The following ATP8B4 variants were observed in gnomAD, a reference collection of about 807,000 sequenced individuals.
The protein encoded by ATP8B4 is probable phospholipid-transporting ATPase IM.
A neutral mutation model predicts 145.6 loss-of-function variants in ATP8B4; 133 were observed. The observed-to-expected ratio is 0.91, with a 90% confidence interval of 0.79 to 1.05. The LOEUF (loss-of-function observed/expected upper bound fraction) is 1.05. Among genes scored for constraint, ATP8B4 ranks in the 50% least tolerant of loss-of-function variants. The pLI is 0.00. For synonymous variants in ATP8B4, 507 were observed against 492.9 expected, an observed-to-expected ratio of 1.03 and a Z score of -0.38; for missense variants, 1,458 against 1,425.2, an observed-to-expected ratio of 1.02 and a Z score of -0.37.
In ATP8B4 at chr15:50,180,851, G is replaced by C. The variant is rs546625601; in HGVS notation, c.-43+1410C>G. ...GCGCAGTTACTAGGGATACGAAAAG[G>C]AGGCTAAAAAACGGCAGGGGGTGGC... On this transcript the variant is annotated intron_variant, in intron 1 of 3. Transcript: ENST00000558829. Among the ~76,000 whole-genome samples, 12 of 152,266 alleles carry C rather than the reference G, an allele frequency of 7.9e-5. No individual in the cohort carries two copies. In the East Asian group the frequency reaches 2.3e-3, roughly 29 times the overall value.
At chr15:49,942,338 T>G (rs2042224876) in intron 14 of ATP8B4, among the ~76,000 whole-genome samples, 1 of 152,084 alleles carries the variant, frequency 6.6e-6, no homozygotes, top group East Asian at 1.9e-4. Context: ...GACCAAACAT[T>G]TCCTCCTTAA....
At chr15:49,906,877 T>C (rs2038682327) in intron 20 of ATP8B4, among the ~76,000 whole-genome samples, 1 of 152,050 alleles carries the variant, frequency 6.6e-6, no homozygotes, top group Non-Finnish European at 1.5e-5. Flanking sequence ...AAAGCCGGGG[T>C]CCTGACCCGC....
intron 20 of ATP8B4, among the ~76,000 whole-genome samples, chr15:49,916,261 T>A (rs1350577226): frequency 3.9e-5 from 6 of 152,084 alleles, no homozygotes; most frequent in Admixed American, 3.9e-4. Context: ...AGAAATATTA[T>A]CTCTCAAACT....
chr15:50,072,306 C>T (rs950951454), intron 3 of ATP8B4, among the ~76,000 whole-genome samples: 3 of 152,130 alleles, frequency 2.0e-5, no homozygotes, highest in Non-Finnish European at 1.5e-5. Flanking sequence ...CTCAATCATA[C>T]AACAGGTCTT....
intron 20 of ATP8B4, among the ~76,000 whole-genome samples, chr15:49,913,718 C>A (rs1379925258): frequency 6.6e-6 from 1 of 152,112 alleles, no homozygotes. Flanking sequence ...TGTTTCTATA[C>A]ACCAATAATG....
rs193114784 is a variant in ATP8B4, at chr15:49,915,373, G to A, written c.2141+1561C>T. ...GTACAAACGTATAGTTAGATGGAAG[G>A]AATAAATTATAAAGTTCAACAGCAG... On this transcript the variant is annotated intron_variant, in intron 20 of 27. Coordinates refer to ENST00000284509, the MANE Select transcript of ATP8B4 (RefSeq NM_024837.4). Among the ~76,000 whole-genome samples the A allele has an allele frequency of 2.7e-3, 413 of 152,176 alleles. 2 individuals are homozygous for A. The highest frequency in any genetic ancestry group is 4.5e-3 in the Admixed American group (68 of 15,278).
chr15:49,915,004 ACC>A (rs978004041), intron 20 of ATP8B4, among the ~76,000 whole-genome samples: 9 of 152,120 alleles, frequency 5.9e-5, no homozygotes, highest in African/African-American at 2.2e-4. Context: ...GGATATCTGC[ACC>A]CCATGTTTAC....
chr15:50,011,033 G>T, intron 6 of ATP8B4, 116 bp from the exon 7 acceptor site: 1 of 633,040 alleles, frequency 1.6e-6, no homozygotes, highest in Non-Finnish European at 2.5e-6. Context: ...GACTTTCCTA[G>T]TATGTTAATT....
In ATP8B4 at chr15:49,915,279, G is replaced by C. The variant is rs943435126; in HGVS notation, c.2141+1655C>G. On this transcript the variant is annotated intron_variant, in intron 20 of 27. Coordinates refer to ENST00000284509, the MANE Select transcript of ATP8B4 (RefSeq NM_024837.4). The stretch of plus-strand genomic sequence containing the variant: ...AAGTTGATCTCATAGAGAGTAGAAT[G>C]ATAGATACCAGACACTAGGAAGGTT... Among the ~76,000 whole-genome samples, 4 of 152,148 alleles carry C rather than the reference G, an allele frequency of 2.6e-5. No homozygotes were observed. In the East Asian group the frequency reaches 5.8e-4, roughly 22 times the overall value.
chr15:49,941,861 TA>T (rs1438171033), intron 14 of ATP8B4, among the ~76,000 whole-genome samples: 5 of 152,128 alleles, frequency 3.3e-5, no homozygotes, highest in Non-Finnish European at 7.4e-5. Context: ...TACTCAGCCA[TA>T]AAAAAAGAAT....
chr15:49,997,899 T>C (rs995067564), intron 8 of ATP8B4, among the ~76,000 whole-genome samples: 1 of 152,096 alleles, frequency 6.6e-6, no homozygotes, highest in Non-Finnish European at 1.5e-5. Context: ...GACGCAGAGA[T>C]GAGTAGGAAT....
intron 8 of ATP8B4, among the ~76,000 whole-genome samples, chr15:49,996,984 CAAT>C (rs1159366080): frequency 1.2e-4 from 18 of 152,212 alleles, no homozygotes; most frequent in African/African-American, 3.9e-4. Context: ...TATAACAACA[CAAT>C]GATCTGTTTT....
At chr15:50,169,035 A>G (rs926381600) in intron 1 of ATP8B4, among the ~76,000 whole-genome samples, 14 of 152,156 alleles carry the variant, frequency 9.2e-5, no homozygotes, top group Admixed American at 2.6e-4. Context: ...GACCCGCCCA[A>G]GGAGAGTCTG....
intron 2 of ATP8B4, 91 bp from the exon 3 acceptor site, chr15:50,074,276 G>A (rs1296999386): frequency 4.6e-6 from 5 of 1,087,376 alleles, no homozygotes; most frequent in South Asian, 1.5e-5. Flanking sequence ...TTGCTTTGTT[G>A]TTAAGGCTGC....
At chr15:49,947,821 C>T (rs973982772) in intron 14 of ATP8B4, among the ~76,000 whole-genome samples, 1 of 152,022 alleles carries the variant, frequency 6.6e-6, no homozygotes, top group Non-Finnish European at 1.5e-5. Flanking sequence ...AATAAACCCA[C>T]ACATAAACAG....
At chr15:50,149,106 CAG>C (rs1159954823) in intron 1 of ATP8B4, among the ~76,000 whole-genome samples, 1 of 152,154 alleles carries the variant, frequency 6.6e-6, no homozygotes, top group African/African-American at 2.4e-5. Flanking sequence ...GAACTAATCT[CAG>C]GGGTTAAATG....
intron 3 of ATP8B4, among the ~76,000 whole-genome samples, chr15:50,049,210 C>T (rs2051976177): frequency 6.6e-6 from 1 of 152,170 alleles, no homozygotes; most frequent in South Asian, 2.1e-4. Flanking sequence ...TGAAATCTTT[C>T]TTCCAAGTTA....
intron 2 of ATP8B4, among the ~76,000 whole-genome samples, chr15:50,094,029 A>C (rs2153657847): frequency 6.6e-6 from 1 of 152,254 alleles, no homozygotes; most frequent in South Asian, 2.1e-4. Flanking sequence ...CAAATTCAAA[A>C]ATATCTTGAT....
At chr15:50,045,607 A>T (rs4605104) in intron 4 of ATP8B4, among the ~76,000 whole-genome samples, 102,001 of 151,590 alleles carry the variant, frequency 0.67, 34,764 homozygotes, top group East Asian at 0.99. Context: ...AAGATTTTTT[A>T]AAAAAAACTC....
Sources: gnomAD v4.1 joint callset for allele counts (sites outside exome capture counted in the v4.1 genomes callset) on GRCh38, gnomAD v4.1.1 for gene constraint, MANE v1.5 for transcripts, NCBI Gene and HGNC (gene_info 2026-07-23, HGNC 2026-07-21) for gene names.